NIPBL: variants seen among roughly 807,000 people sequenced by gnomAD.
The protein encoded by NIPBL is NIPBL cohesin loading factor, also known as nipped-B-like protein.
In NIPBL, 19 loss-of-function variants were observed where a neutral mutation model predicts 321.8. The ratio of observed to expected loss-of-function variants is 0.06; its 90% confidence interval spans 0.04 to 0.09. The LOEUF (loss-of-function observed/expected upper bound fraction) is 0.09, where lower values mean the gene tolerates loss of function less well. NIPBL is among the 10% of genes least tolerant of loss of function. NIPBL has a pLI of 1.00. For synonymous variants in NIPBL, 1,106 were observed against 1,114.1 expected (o/e 0.99, Z 0.14); for missense variants, 2,210 against 3,327.0 (o/e 0.66, Z 8.26).
chr5:37,062,976 T>G (rs2149758771), intron 45 of NIPBL, among the ~76,000 whole-genome samples: 1 of 152,248 alleles, frequency 6.6e-6, no homozygotes, highest in East Asian at 1.9e-4. Context: ...TATTTCTATT[T>G]TATCACAATA....
At position 36,876,913 on chromosome 5, in the gene NIPBL, T is replaced by C. The variant is rs1284374760; in HGVS notation, c.-345T>C. The C allele has an allele frequency of 3.7e-6, 1 of 270,122 alleles. No homozygotes were observed. Among genetic ancestry groups the C allele is most frequent in the Middle Eastern group, 1.0e-3 (1 of 992 alleles). The allele number at this position is 270,122 out of a possible 1,614,324, so 16.7% of individuals were successfully genotyped here. On this transcript the variant is annotated 5_prime_UTR_variant, in exon 1 of 47. Coordinates refer to ENST00000282516, the MANE Select transcript of NIPBL (RefSeq NM_133433.4). ...AGGGACGCCCCCGCCGACAGGAGAA[T>C]TGGTTCCCGGGCCCGCGGCGATGCC... is the stretch of plus-strand genomic sequence containing the variant.
chr5:37,019,393 C>A lies in NIPBL; in HGVS notation c.5003C>A (p.Ser1668Ter). The A allele has an allele frequency of 6.2e-7, 1 of 1,608,824 alleles. No individual in the cohort carries two copies. Among genetic ancestry groups the A allele is most frequent in the South Asian group, 1.1e-5 (1 of 90,942 alleles). ...YLDENTETDP[S>*]LVFSRKFYIA... ...GATGAAAACACTGAGACTGATCCTTCACTAGTGGTAGGATTCTTTTCCCCT... is the reference window on the plus strand; with the variant it reads ...GATGAAAACACTGAGACTGATCCTTAACTAGTGGTAGGATTCTTTTCCCCT... Residue 1668 changes from serine to a stop codon, truncating the protein, a stop_gained, in exon 25 of 47, where the codon TCA (serine) becomes TAA (stop). Transcript: ENST00000282516. LOFTEE classifies it high-confidence loss of function.
intron 1 of NIPBL, among the ~76,000 whole-genome samples, chr5:36,928,470 A>T (rs36035695): frequency 0.12 from 18,266 of 152,244 alleles, 1,263 homozygotes; most frequent in Admixed American, 0.19. Context: ...AAATTTCTTA[A>T]GGAAAAATAT....
intron 29 of NIPBL, among the ~76,000 whole-genome samples, chr5:37,023,937 G>A (rs542331253): frequency 5.3e-5 from 8 of 151,528 alleles, no homozygotes; most frequent in South Asian, 2.1e-4. Flanking sequence ...AGGCTGAGGC[G>A]GGTGAATCAC....
intron 1 of NIPBL, among the ~76,000 whole-genome samples, chr5:36,943,921 T>C (rs1292668108): frequency 6.6e-6 from 1 of 152,264 alleles, no homozygotes; most frequent in South Asian, 2.1e-4. Flanking sequence ...CCACTGAATC[T>C]AGCAATTTTA....
At chr5:37,028,528 A>C (rs1369660658) in intron 32 of NIPBL, among the ~76,000 whole-genome samples, 1 of 151,736 alleles carries the variant, frequency 6.6e-6, no homozygotes, top group Non-Finnish European at 1.5e-5. Flanking sequence ...TTTAGTAGAG[A>C]TGAAGTTTCG....
intron 2 of NIPBL, 84 bp downstream of exon 2, chr5:36,953,844 G>A: frequency 2.5e-6 from 3 of 1,221,514 alleles, no homozygotes; most frequent in South Asian, 2.4e-5. Flanking sequence ...AATTATTATA[G>A]GTTCTTTAAA....
intron 1 of NIPBL, among the ~76,000 whole-genome samples, chr5:36,897,355 G>C (rs1580172650): frequency 6.6e-6 from 1 of 152,144 alleles, no homozygotes; most frequent in East Asian, 1.9e-4. Context: ...GGGTATGGAA[G>C]TGCAGTTGAT....
At chr5:37,057,056 G>A (rs1754173068) in intron 42 of NIPBL, 130 bp from the exon 43 acceptor site, 11 of 837,070 alleles carry the variant, frequency 1.3e-5, no homozygotes, top group Admixed American at 6.1e-5. Context: ...CACTCTCTCC[G>A]TGTGTGTCTG....
At chr5:36,972,162 AAAAT>A in intron 8 of NIPBL, 121 bp downstream of exon 8, 3 of 692,846 alleles carry the variant, frequency 4.3e-6, no homozygotes, top group African/African-American at 1.8e-5. Flanking sequence ...TGTAGAAAAA[AAAAT>A]AAACCTGTAC....
At chr5:36,971,808 G>C (rs1561095534) in intron 7 of NIPBL, 137 bp from the exon 8 acceptor site, 1 of 1,466,452 alleles carries the variant, frequency 6.8e-7, no homozygotes, top group South Asian at 1.4e-5. Flanking sequence ...AAGAAAACAG[G>C]AAAGTGCAGA....
rs551600626 is a variant in NIPBL at position 37,036,830 on chromosome 5, T to C, written c.5971+343T>C. Among the ~76,000 whole-genome samples, 31 of 152,020 alleles carry C rather than the reference T, an allele frequency of 2.0e-4. No individual in the cohort carries two copies. The South Asian group carries it at 5.0e-3, about 24-fold the overall frequency. ...AATGATACTCATCACAAAACTGATATCTCCTAAGTCATATAAAATTATGTC... is the reference window on the plus strand; with the variant it reads ...AATGATACTCATCACAAAACTGATACCTCCTAAGTCATATAAAATTATGTC... On this transcript the variant is annotated intron_variant, in intron 33 of 46. Transcript: ENST00000282516.
At chr5:36,899,349 T>TAA (rs1561362942) in intron 1 of NIPBL, among the ~76,000 whole-genome samples, 1 of 152,204 alleles carries the variant, frequency 6.6e-6, no homozygotes, top group Non-Finnish European at 1.5e-5. Context: ...AAAAAAAGTG[T>TAA]AATGTGATTG....
rs373268240 is a variant in NIPBL at position 36,958,147 on chromosome 5, A to G, written c.274A>G (p.Ile92Val). Residue 92 changes from isoleucine to valine, a missense_variant, in exon 4 of 47, where the codon ATA (isoleucine) becomes GTA (valine). Ile to Val is a conservative substitution (Grantham distance 29, BLOSUM62 3). This residue lies in a region of NIPBL where 464 missense variants were observed against 529.5 expected (regional missense o/e 0.88). Transcript: ENST00000282516. ...TGGCAGTGATGACCCAGAAGGTGAC[A>G]TACCAGTCTTGTTGCAGGCCGTCCT... ...NLGSDDPEGD[I>V]PVLLQAVLAR... is the part of the protein sequence containing the mutation. The G allele has an allele frequency of 9.3e-6, 15 of 1,613,968 alleles. No homozygotes were observed. The highest frequency in any genetic ancestry group is 1.7e-5 in the Admixed American group (1 of 60,006).
chr5:36,911,376 T>C (rs922244737), intron 1 of NIPBL, among the ~76,000 whole-genome samples: 1 of 152,204 alleles, frequency 6.6e-6, no homozygotes, highest in African/African-American at 2.4e-5. Flanking sequence ...GTAACAGTGA[T>C]TATTTCCTTC....
intron 6 of NIPBL, among the ~76,000 whole-genome samples, chr5:36,963,052 T>A (rs1741809636): frequency 6.6e-6 from 1 of 152,050 alleles, no homozygotes; most frequent in Non-Finnish European, 1.5e-5. Flanking sequence ...ATGCAAAAAT[T>A]TGAGATTAAA....
At chr5:36,955,675 A>G (rs1740856562) in intron 3 of NIPBL, 38 bp downstream of exon 3, 3 of 1,572,788 alleles carry the variant, frequency 1.9e-6, no homozygotes, top group South Asian at 1.1e-5. Flanking sequence ...ATAAGTGAAA[A>G]GTTTTGGCCT....
At chr5:36,935,669 C>T (rs1048345726) in intron 1 of NIPBL, among the ~76,000 whole-genome samples, 1 of 152,154 alleles carries the variant, frequency 6.6e-6, no homozygotes. Flanking sequence ...GCTATAACAA[C>T]TTATAATACC....
chr5:36,913,185 A>C (rs539033372), intron 1 of NIPBL, among the ~76,000 whole-genome samples: 1 of 152,260 alleles, frequency 6.6e-6, no homozygotes, highest in African/African-American at 2.4e-5. Flanking sequence ...TAATAGTAAC[A>C]ATGTTAAAAT....
Sources: gnomAD v4.1 joint callset for allele counts (sites outside exome capture counted in the v4.1 genomes callset) on GRCh38, gnomAD v4.1.1 for gene constraint, gnomAD v4.1.1 regional missense constraint, MANE v1.5 for transcripts, NCBI Gene and HGNC (gene_info 2026-07-23, HGNC 2026-07-21) for gene names.